The following SAC3D1 variants were observed in gnomAD, a reference collection of about 807,000 sequenced individuals.
SAC3D1 encodes the protein SAC3 domain-containing protein 1.
In SAC3D1, 10 loss-of-function variants were observed where a neutral mutation model predicts 12.7. That is an observed-to-expected ratio of 0.79 (90% CI 0.49 to 1.34). SAC3D1 has a LOEUF of 1.34. Among genes scored for constraint, SAC3D1 ranks in the 40% most tolerant of loss-of-function variants. The pLI is 0.00. For synonymous variants in SAC3D1, 241 were observed against 250.8 expected (o/e 0.96, Z 0.37); for missense variants, 482 against 531.1 (o/e 0.91, Z 0.91).
chr11:65,043,050 C>G (rs777446467), intron 1 of SAC3D1: 3 of 447,582 alleles, frequency 6.7e-6, no homozygotes, highest in South Asian at 3.2e-5. Context: ...TGTTGCCACT[C>G]GAATTCCTGG....
At position 65,044,397 on chromosome 11, in the gene SAC3D1, T is replaced by C; in HGVS notation, c.747T>C (p.His249=). Residue 249 remains histidine, a synonymous_variant, in exon 2 of 2, where the codon CAT becomes CAC. Coordinates refer to ENST00000652489, the MANE Select transcript of SAC3D1 (RefSeq NM_013299.4). This position sits in a 1 kb window ranked among gnomAD's most constrained non-coding sequence, Gnocchi z 4.0. The part of the protein sequence containing the change: ...PYLPSCAVQC[H]VGHARREALA... ...TGCCAAGTTGCGCTGTGCAGTGCCA[T>C]GTGGGCCATGCCCGCCGGGAAGCCC... 6.2e-7 allele frequency: 1 copy of C among 1,613,650 alleles called. No homozygotes were observed. The highest frequency in any genetic ancestry group is 1.1e-5 in the South Asian group (1 of 91,086).
At chr11:65,042,185 C>A (rs1946619993) in intron 1 of SAC3D1, among the ~76,000 whole-genome samples, 1 of 151,842 alleles carries the variant, frequency 6.6e-6, no homozygotes, top group Non-Finnish European at 1.5e-5. Flanking sequence ...GCAACCTCCG[C>A]CTCCCTGGGT....
intron 1 of SAC3D1, among the ~76,000 whole-genome samples, chr11:65,043,495 C>G (rs190844013): frequency 2.6e-5 from 4 of 151,492 alleles, no homozygotes; most frequent in Non-Finnish European, 5.9e-5. Context: ...GGTGCATACC[C>G]GTAATCCCAG....
upstream of SAC3D1, chr11:65,040,989 G>C: frequency 4.2e-6 from 2 of 471,256 alleles, no homozygotes; most frequent in Non-Finnish European, 7.6e-6. Context: ...AGGGGAGCGC[G>C]CGAAGCTGAA....
chr11:65,043,615 CAAAAAAAAAAAAAAAA>C (rs58109119), intron 1 of SAC3D1, among the ~76,000 whole-genome samples: 4 of 56,184 alleles, frequency 7.1e-5, no homozygotes, highest in East Asian at 1.2e-3. Context: ...AAGTCTGTCT[CAAAAAAAAAAAAAAAA>C]AAAAAAAAAA....
In SAC3D1 at chr11:65,044,512, A is replaced by G; in HGVS notation, c.862A>G (p.Arg288Gly). The change falls in exon 2 of 2, where the codon AGG (arginine) becomes GGG (glycine). Residue 288 changes from arginine (R) to glycine (G), a missense_variant. By Grantham distance (125) the Arg-to-Gly change is moderately radical. Around this residue, in one of 3 missense-constraint regions of SAC3D1, gnomAD observed 225 missense variants for 241.1 expected, o/e 0.93. Coordinates refer to ENST00000652489, the MANE Select transcript of SAC3D1 (RefSeq NM_013299.4). This position sits in a 1 kb window ranked among gnomAD's most constrained non-coding sequence, Gnocchi z 4.0. The stretch of plus-strand genomic sequence containing the variant: ...CAACCTCTTGGCCCTGGATGGACTC[A>G]GGGAAGCACGGGACCTGTGCCAGGC... ...MVNLLALDGL[R>G]EARDLCQAHG... 1 of 1,614,202 alleles carries G rather than the reference A, an allele frequency of 6.2e-7. No individual in the cohort carries two copies. The highest frequency in any genetic ancestry group is 8.5e-7 in the Non-Finnish European group (1 of 1,180,028).
chr11:65,042,405 C>T (rs995381189), intron 1 of SAC3D1, among the ~76,000 whole-genome samples: 1 of 149,646 alleles, frequency 6.7e-6, no homozygotes, highest in Non-Finnish European at 1.5e-5. Context: ...GATTTTCAAA[C>T]TCTTTTAACC....
Position 65,041,246 on chromosome 11 carries a change from G to T in SAC3D1, c.-47G>T. On this transcript the variant is annotated 5_prime_UTR_variant, in exon 1 of 2. Coordinates refer to ENST00000652489, the MANE Select transcript of SAC3D1 (RefSeq NM_013299.4). ...GCCTCGCGTGCCTTCCCGCAGCACT[G>T]CCGTCCCCGGGATGCTGAGCGCCCA... 1 of 1,476,222 alleles carries T rather than the reference G, an allele frequency of 6.8e-7. No homozygotes were observed. Among genetic ancestry groups the T allele is most frequent in the Non-Finnish European group, 8.9e-7 (1 of 1,119,742 alleles). The allele number at this position is 1,476,222 out of a possible 1,614,324, so 91.4% of individuals were successfully genotyped here.
intron 1 of SAC3D1, chr11:65,043,293 A>C: frequency 5.0e-6 from 1 of 200,786 alleles, no homozygotes; most frequent in Non-Finnish European, 1.1e-5. Flanking sequence ...TAATTTTTTA[A>C]AATTTATTTT....
chr11:65,042,021 C>A, intron 1 of SAC3D1, 155 bp downstream of exon 1: 1 of 1,034,274 alleles, frequency 9.7e-7, no homozygotes, highest in Non-Finnish European at 1.2e-6. Context: ...GGACCTCGGG[C>A]CCATCTCTGG....
chr11:65,041,900 G>T (rs1256882910), intron 1 of SAC3D1, 34 bp downstream of exon 1: 5 of 1,395,226 alleles, frequency 3.6e-6, no homozygotes, highest in Non-Finnish European at 4.6e-6. Context: ...GGCAGAGCGT[G>T]GGGACAGGAG....
At position 65,041,347 on chromosome 11, in the gene SAC3D1, G is replaced by A; in HGVS notation, c.55G>A (p.Glu19Lys). ...GTCPDMCPAA[E>K]RAQREREHRL... Reference sequence around the variant, plus strand: ...CTGCCCGGACATGTGCCCGGCCGCCGAGCGCGCCCAGCGCGAAAGGGAGCA... The same window carrying A: ...CTGCCCGGACATGTGCCCGGCCGCCAAGCGCGCCCAGCGCGAAAGGGAGCA... The change falls in exon 1 of 2, where the codon GAG (glutamate) becomes AAG (lysine). Residue 19 changes from glutamate (E) to lysine (K), a missense_variant. Glu to Lys is a moderately conservative substitution (Grantham distance 56, BLOSUM62 1). Around this residue, in one of 3 missense-constraint regions of SAC3D1, gnomAD observed 197 missense variants for 183.2 expected, o/e 1.08. Transcript: ENST00000652489. The A allele has an allele frequency of 6.6e-7, 1 of 1,509,894 alleles. No individual in the cohort carries two copies. Among genetic ancestry groups the A allele is most frequent in the Non-Finnish European group, 8.8e-7 (1 of 1,136,430 alleles). The allele number at this position is 1,509,894 out of a possible 1,614,324, so 93.5% of individuals were successfully genotyped here. A position where few individuals can be genotyped will look rare whatever the true frequency, so the allele number is the denominator to read the frequency against.
intron 1 of SAC3D1, chr11:65,043,002 A>C (rs1209173210): frequency 2.3e-6 from 1 of 425,754 alleles, no homozygotes; most frequent in Non-Finnish European, 4.7e-6. Flanking sequence ...CACCCGGCTA[A>C]CTTAAAAAAA....
At position 65,044,701 on chromosome 11, in the gene SAC3D1, A is replaced by G. The variant is rs201048547; in HGVS notation, c.1051A>G (p.Thr351Ala). Reference sequence around the variant, plus strand: ...CATGGCAGAGGAGGAAGATGAGGGCACGGACAGACCTGGGTCCCCAGCCTG... The same window carrying G: ...CATGGCAGAGGAGGAAGATGAGGGCGCGGACAGACCTGGGTCCCCAGCCTG... ...VVMAEEEDEGTDRPGSPA is the reference protein window; with the variant it reads ...VVMAEEEDEGADRPGSPA Residue 351 changes from threonine to alanine, a missense_variant, in exon 2 of 2, where the codon ACG (threonine) becomes GCG (alanine). By Grantham distance (58) the Thr-to-Ala change is moderately conservative. This residue lies in a region of SAC3D1 where 225 missense variants were observed against 241.1 expected (regional missense o/e 0.93). Coordinates refer to ENST00000652489, the MANE Select transcript of SAC3D1 (RefSeq NM_013299.4). This position sits in a 1 kb window ranked among gnomAD's most constrained non-coding sequence, Gnocchi z 4.0. The G allele has an allele frequency of 9.4e-5, 151 of 1,613,236 alleles. 1 individual carries two copies. The African/African-American group carries it at 1.8e-3, about 19-fold the overall frequency.
In SAC3D1 at chr11:65,044,419, G is replaced by T. The variant is rs773270113; in HGVS notation, c.769G>T (p.Ala257Ser). Residue 257 changes from alanine to serine, a missense_variant, in exon 2 of 2, where the codon GCC becomes TCC. Ala to Ser is a moderately conservative substitution (Grantham distance 99). This residue lies in a region of SAC3D1 where 225 missense variants were observed against 241.1 expected (regional missense o/e 0.93). Coordinates refer to ENST00000652489, the MANE Select transcript of SAC3D1 (RefSeq NM_013299.4). This position sits in a 1 kb window ranked among gnomAD's most constrained non-coding sequence, Gnocchi z 4.0. ...QCHVGHARRE[A>S]LARFARAFST... is the part of the protein sequence containing the mutation. ...CCATGTGGGCCATGCCCGCCGGGAA[G>T]CCCTGGCCCGCTTCGCTCGTGCCTT... The T allele has an allele frequency of 1.9e-6, 3 of 1,613,794 alleles. No homozygotes were observed. Among genetic ancestry groups the T allele is most frequent in the Admixed American group, 3.3e-5 (2 of 60,036 alleles).
intron 1 of SAC3D1, among the ~76,000 whole-genome samples, chr11:65,042,236 C>T (rs1295828731): frequency 6.6e-6 from 1 of 151,542 alleles, no homozygotes; most frequent in Non-Finnish European, 1.5e-5. Flanking sequence ...TAGCTGGGAT[C>T]ACAGGCGCGC....
In SAC3D1 at chr11:65,041,731, G is replaced by T; in HGVS notation, c.439G>T (p.Gly147Ter). 7.7e-7 allele frequency: 1 copy of T among 1,306,750 alleles called. No individual in the cohort carries two copies. Among genetic ancestry groups the T allele is most frequent in the Non-Finnish European group, 9.7e-7 (1 of 1,035,046 alleles). The allele number at this position is 1,306,750 out of a possible 1,614,324, so 80.9% of individuals were successfully genotyped here. The change falls in exon 1 of 2, where the codon GGA (glycine) becomes TGA (stop). Residue 147 changes from glycine to a stop codon, truncating the protein, a stop_gained. Coordinates refer to ENST00000652489, the MANE Select transcript of SAC3D1 (RefSeq NM_013299.4). LOFTEE classifies it high-confidence loss of function. ...GCGGCTCGGGCCCGACGCGGCGCGG[G>T]GACCCGCGGACCCGGTGCTGCTGCA... ...VARLGPDAAR[G>*]PADPVLLQAQ...
chr11:65,041,310 GC>G lies in SAC3D1; in HGVS notation c.21del (p.Val8TrpfsTer44). 6.6e-7 allele frequency: 1 copy of G among 1,507,982 alleles called. No homozygotes were observed. The highest frequency in any genetic ancestry group is 8.8e-7 in the Non-Finnish European group (1 of 1,135,862). The allele number at this position is 1,507,982 out of a possible 1,614,324, so 93.4% of individuals were successfully genotyped here. A position where few individuals can be genotyped will look rare whatever the true frequency, so the allele number is the denominator to read the frequency against. On this transcript the variant is annotated frameshift_variant, in exon 1 of 2. Coordinates refer to ENST00000652489, the MANE Select transcript of SAC3D1 (RefSeq NM_013299.4). LOFTEE classifies it high-confidence loss of function. Reference sequence around the variant, plus strand: ...GCCCCCTCATGCCCGGCTGCGAGCTGCCCGTGGGCACCTGCCCGGACATGTG... The same window carrying G: ...GCCCCCTCATGCCCGGCTGCGAGCTGCCGTGGGCACCTGCCCGGACATGTG... MPGCEL[P>X]VGTCPDMCPA...
Position 65,041,397 on chromosome 11 carries a change from G to A in SAC3D1, c.105G>A (p.Val35=), listed in dbSNP as rs917696914. ...REHRLHRLEV[V]PGCRQDPPRA... ...ACCGCCTGCACCGCTTGGAGGTGGT[G>A]CCGGGTTGCCGCCAGGACCCGCCCC... Residue 35 remains valine, a synonymous_variant, in exon 1 of 2, where the codon GTG becomes GTA. Transcript: ENST00000652489. The A allele has an allele frequency of 2.0e-6, 3 of 1,507,114 alleles. No individual in the cohort carries two copies. Among genetic ancestry groups the A allele is most frequent in the African/African-American group, 2.9e-5 (2 of 69,388 alleles). The allele number at this position is 1,507,114 out of a possible 1,614,324, so 93.4% of individuals were successfully genotyped here.
Sources: gnomAD v4.1 joint callset for allele counts (sites outside exome capture counted in the v4.1 genomes callset) on GRCh38, gnomAD v4.1.1 for gene constraint, gnomAD v4.1.1 regional missense constraint, Gnocchi (gnomAD v3.1) non-coding constraint, MANE v1.5 for transcripts, NCBI Gene and HGNC (gene_info 2026-07-23, HGNC 2026-07-21) for gene names.